The following TRABD2B variants were observed in gnomAD, a reference collection of about 807,000 sequenced individuals.
The protein encoded by TRABD2B is TraB domain containing 2B.
TRABD2B carries 14 observed loss-of-function variants against 40.1 expected under a neutral mutation model. The ratio of observed to expected loss-of-function variants is 0.35; its 90% CI spans 0.23 to 0.55. The LOEUF is 0.55. TRABD2B is among the 20% of genes least tolerant of loss of function. The pLI, the probability that TRABD2B is intolerant of heterozygous loss-of-function variation, is 0.90. For synonymous variants in TRABD2B, 263 were observed against 277.0 expected (o/e 0.95, Z 0.50); for missense variants, 541 against 648.6 (o/e 0.83, Z 1.80).
chr1:47,817,751 G>T (rs970431437), intron 2 of TRABD2B, among the ~76,000 whole-genome samples: 2 of 152,144 alleles, frequency 1.3e-5, no homozygotes, highest in South Asian at 2.1e-4. Flanking sequence ...ATGCAAGGAG[G>T]CCTCACTGCT....
intron 2 of TRABD2B, chr1:47,818,530 T>C (rs1645065375): frequency 6.6e-6 from 1 of 152,266 alleles, no homozygotes; most frequent in South Asian, 2.1e-4. Flanking sequence ...GAGGTGGTTC[T>C]TGGTATTACA....
At chr1:47,822,765 C>T (rs953138445) in intron 2 of TRABD2B, among the ~76,000 whole-genome samples, 2 of 152,216 alleles carry the variant, frequency 1.3e-5, no homozygotes, top group South Asian at 2.1e-4. Flanking sequence ...TAGCATTGCC[C>T]TTTCCCAAGA....
intron 2 of TRABD2B, among the ~76,000 whole-genome samples, chr1:47,963,032 C>CCCTT (rs1553169792): frequency 1.3e-5 from 2 of 152,246 alleles, no homozygotes; most frequent in African/African-American, 4.8e-5. Flanking sequence ...ATCCATCCAT[C>CCCTT]CATTCATTCA....
intron 2 of TRABD2B, among the ~76,000 whole-genome samples, chr1:47,897,722 C>T (rs1275560909): frequency 6.6e-6 from 1 of 152,112 alleles, no homozygotes; most frequent in Non-Finnish European, 1.5e-5. Flanking sequence ...CACACACACA[C>T]ATATACAATC....
rs981931001 is a variant in TRABD2B at position 47,764,396 on chromosome 1, G to A, written c.*1506C>T. On this transcript the variant is annotated 3_prime_UTR_variant, in exon 7 of 7. Coordinates refer to ENST00000606738, the MANE Select transcript of TRABD2B (RefSeq NM_001194986.2). Reference sequence around the variant, plus strand: ...GCCCCATAGGGTTTCAGGCCTCCCAGGTGGGAGTTAGCCCACCTGGGTCCT... The same window carrying A: ...GCCCCATAGGGTTTCAGGCCTCCCAAGTGGGAGTTAGCCCACCTGGGTCCT... The A allele has an allele frequency of 6.6e-6, 1 of 152,178 alleles. No individual in the cohort carries two copies. Among genetic ancestry groups the A allele is most frequent in the Non-Finnish European group, 1.5e-5 (1 of 68,046 alleles). 9.4% of individuals were successfully genotyped at this position (152,178 alleles called of 1,614,324 possible). A position where few individuals can be genotyped will look rare whatever the true frequency, so the allele number is the denominator to read the frequency against.
chr1:47,969,745 AT>A (rs1006347028), intron 2 of TRABD2B, among the ~76,000 whole-genome samples: 3 of 152,204 alleles, frequency 2.0e-5, no homozygotes, highest in Non-Finnish European at 4.4e-5. Context: ...ATAGAATCAG[AT>A]TCACAAACCT....
chr1:47,923,689 T>G (rs1267782856), intron 2 of TRABD2B, among the ~76,000 whole-genome samples: 1 of 152,162 alleles, frequency 6.6e-6, no homozygotes, highest in Non-Finnish European at 1.5e-5. Context: ...AGCAGATTAC[T>G]TCTATAACGT....
intron 6 of TRABD2B, among the ~76,000 whole-genome samples, chr1:47,772,370 C>T (rs979818035): frequency 1.3e-5 from 2 of 151,772 alleles, no homozygotes; most frequent in African/African-American, 4.8e-5. Context: ...CGGGGCACCT[C>T]GGGTGGCACT....
At chr1:47,969,736 T>G (rs543825349) in intron 2 of TRABD2B, among the ~76,000 whole-genome samples, 1 of 152,170 alleles carries the variant, frequency 6.6e-6, no homozygotes, top group Non-Finnish European at 1.5e-5. Flanking sequence ...AAAGGCCAAA[T>G]AGAATCAGAT....
chr1:47,776,817 G>A (rs901049652), intron 5 of TRABD2B, among the ~76,000 whole-genome samples: 3 of 152,170 alleles, frequency 2.0e-5, no homozygotes, highest in Non-Finnish European at 4.4e-5. Flanking sequence ...CATCAGCTCA[G>A]CCTCTCCTCC....
At chr1:47,767,786 C>T (rs528930320) in intron 6 of TRABD2B, among the ~76,000 whole-genome samples, 30 of 152,348 alleles carry the variant, frequency 2.0e-4, no homozygotes, top group Non-Finnish European at 3.2e-4. Flanking sequence ...ACTGCTTGCC[C>T]CACCTCGACA....
chr1:47,906,718 G>T (rs537411112), intron 2 of TRABD2B, among the ~76,000 whole-genome samples: 1 of 152,374 alleles, frequency 6.6e-6, no homozygotes, highest in East Asian at 1.9e-4. Context: ...TGCCCCTGCA[G>T]TTCAAAGGAA....
At chr1:47,799,916 T>C (rs545875959) in intron 3 of TRABD2B, among the ~76,000 whole-genome samples, 228 of 152,316 alleles carry the variant, frequency 1.5e-3, no homozygotes, top group South Asian at 5.0e-3. Context: ...GGATCACACT[T>C]TGGTGCAATT....
chr1:47,959,281 C>A (rs963519849), intron 2 of TRABD2B, among the ~76,000 whole-genome samples: 4 of 151,844 alleles, frequency 2.6e-5, no homozygotes, highest in African/African-American at 9.7e-5. Context: ...AAATTGACAC[C>A]CTGACATCAC....
At chr1:47,950,073 C>G (rs973256848) in intron 2 of TRABD2B, among the ~76,000 whole-genome samples, 1 of 152,074 alleles carries the variant, frequency 6.6e-6, no homozygotes, top group Non-Finnish European at 1.5e-5. Flanking sequence ...ATCACGAGGT[C>G]AGGAGATCGA....
At chr1:47,868,971 C>T (rs551095524) in intron 2 of TRABD2B, among the ~76,000 whole-genome samples, 1 of 152,182 alleles carries the variant, frequency 6.6e-6, no homozygotes, top group African/African-American at 2.4e-5. Context: ...GGACTCTGCC[C>T]ATGAGCATCA....
At chr1:47,864,558 T>C (rs544815645) in intron 2 of TRABD2B, among the ~76,000 whole-genome samples, 6 of 152,356 alleles carry the variant, frequency 3.9e-5, no homozygotes, top group African/African-American at 1.4e-4. Context: ...AAATTCATTC[T>C]TGTGATATCT....
intron 3 of TRABD2B, among the ~76,000 whole-genome samples, chr1:47,796,850 C>T (rs1393995877): frequency 6.6e-6 from 1 of 152,196 alleles, no homozygotes; most frequent in African/African-American, 2.4e-5. Flanking sequence ...GAACTTGATG[C>T]AGCTATGGGA....
chr1:47,784,395 A>T (rs1246148910), intron 4 of TRABD2B, among the ~76,000 whole-genome samples: 1 of 152,018 alleles, frequency 6.6e-6, no homozygotes, highest in African/African-American at 2.4e-5. Context: ...TTAACAGGGC[A>T]GTTTCAGGAC....
Sources: gnomAD v4.1 joint callset for allele counts (sites outside exome capture counted in the v4.1 genomes callset) on GRCh38, gnomAD v4.1.1 for gene constraint, MANE v1.5 for transcripts, NCBI Gene and HGNC (gene_info 2026-07-23, HGNC 2026-07-21) for gene names.